Variants in NEGR1 observed in about 807,000 individuals in gnomAD.
NEGR1 encodes the protein IgLON family member 4.
A neutral mutation model predicts 40.9 loss-of-function variants in NEGR1; 10 were observed. The ratio of observed to expected loss-of-function variants is 0.24; its 90% CI spans 0.15 to 0.42. NEGR1 has a LOEUF of 0.42. Ranked by LOEUF, NEGR1 falls within the 10% of genes least tolerant of loss-of-function variation. The pLI is 1.00. For synonymous variants in NEGR1, 185 were observed against 166.8 expected (o/e 1.11, Z -0.84); for missense variants, 352 against 438.9 (o/e 0.80, Z 1.77).
intron 2 of NEGR1, among the ~76,000 whole-genome samples, chr1:71,827,230 T>A (rs2101785327): frequency 6.6e-6 from 1 of 151,682 alleles, no homozygotes; most frequent in African/African-American, 2.4e-5. Context: ...GAGAGAAAAA[T>A]AAAAAGTCTT....
chr1:71,490,948 G>T (rs1366897455), intron 6 of NEGR1, among the ~76,000 whole-genome samples: 1 of 151,932 alleles, frequency 6.6e-6, no homozygotes, highest in Non-Finnish European at 1.5e-5. Flanking sequence ...TTTCCATGAT[G>T]TGCAGTCCAA....
chr1:71,958,691 C>T (rs770600377), intron 1 of NEGR1, among the ~76,000 whole-genome samples: 4 of 152,110 alleles, frequency 2.6e-5, no homozygotes, highest in Non-Finnish European at 5.9e-5. Context: ...CACGGTGGCT[C>T]ACACCTGTAA....
chr1:72,141,423 A>G (rs1650673497), intron 1 of NEGR1, among the ~76,000 whole-genome samples: 1 of 152,088 alleles, frequency 6.6e-6, no homozygotes, highest in Admixed American at 6.6e-5. Context: ...TACATTCCAT[A>G]AATAGAATCA....
intron 1 of NEGR1, among the ~76,000 whole-genome samples, chr1:72,068,258 G>A (rs1001307513): frequency 7.9e-5 from 12 of 152,210 alleles, no homozygotes; most frequent in African/African-American, 2.9e-4. Flanking sequence ...ACTAAGAAGT[G>A]GACACCACAT....
rs1176396460 is a variant in NEGR1 at position 71,611,056 on chromosome 1, G to A, written c.758C>T (p.Pro253Leu). 1.2e-6 allele frequency: 2 copies of A among 1,613,930 alleles called. No individual in the cohort carries two copies. The highest frequency in any genetic ancestry group is 3.3e-5 in the Admixed American group (2 of 60,028). The change falls in exon 5 of 7, where the codon CCA (proline) becomes CTA (leucine). Residue 253 changes from proline to leucine, a missense_variant. By Grantham distance (98) the Pro-to-Leu change is moderately conservative (BLOSUM62 -3). Around this residue, in one of 5 missense-constraint regions of NEGR1, gnomAD observed 184 missense variants for 208.7 expected, o/e 0.88. Transcript: ENST00000357731. Reference sequence around the variant, plus strand: ...CTCTCCTTTGTACCATTCAAAGGCTGGAGGCGGCACACCTGCACCTTCACA... The same window carrying A: ...CTCTCCTTTGTACCATTCAAAGGCTAGAGGCGGCACACCTGCACCTTCACA... ...IRCEGAGVPP[P>L]AFEWYKGEKK...
At chr1:72,140,397 T>C (rs1650628299) in intron 1 of NEGR1, among the ~76,000 whole-genome samples, 1 of 152,056 alleles carries the variant, frequency 6.6e-6, no homozygotes, top group Admixed American at 6.6e-5. Context: ...TGCTGGCATC[T>C]GGTGAGAGCC....
At chr1:71,529,280 T>C (rs560551086) in intron 6 of NEGR1, among the ~76,000 whole-genome samples, 1 of 151,392 alleles carries the variant, frequency 6.6e-6, no homozygotes, top group African/African-American at 2.4e-5. Flanking sequence ...AAGTGAATAC[T>C]GGTAGGACTA....
Position 72,212,854 on chromosome 1 carries a change from T to C in NEGR1, c.176+69465A>G, listed in dbSNP as rs143323786. 4.0e-5 allele frequency among the ~76,000 whole-genome samples: 6 copies of C among 151,750 alleles called. No individual in the cohort carries two copies. The East Asian group carries it at 1.2e-3, about 29-fold the overall frequency. ...TTCAACAGAAATAAATAAGTTGATG[T>C]AAAAATGCAAAAAAAAAGTAGTCTT... On this transcript the variant is annotated intron_variant, in intron 1 of 6. Coordinates refer to ENST00000357731, the MANE Select transcript of NEGR1 (RefSeq NM_173808.3).
At chr1:71,732,027 C>T (rs1186603313) in intron 3 of NEGR1, among the ~76,000 whole-genome samples, 1 of 152,090 alleles carries the variant, frequency 6.6e-6, no homozygotes, top group Non-Finnish European at 1.5e-5. Context: ...ATAAAGAATT[C>T]ACATTTCGGG....
chr1:72,282,443 C>A lies in NEGR1; in HGVS notation c.52G>T (p.Ala18Ser), dbSNP rs906898340. The change falls in exon 1 of 7, where the codon GCG (alanine) becomes TCG (serine). Residue 18 changes from alanine (A) to serine (S), a missense_variant. By Grantham distance (99) the Ala-to-Ser change is moderately conservative (BLOSUM62 1). This residue lies in a region of NEGR1 where 81 missense variants were observed against 85.8 expected (regional missense o/e 0.94). Coordinates refer to ENST00000357731, the MANE Select transcript of NEGR1 (RefSeq NM_173808.3). ...CAGCACAGGCTGAGGAGCACCGCCG[C>A]CAGCCACTGGTTCGAGCAACAAGCA... ...QGACCSNQWLAAVLLSLCCLL... is the reference protein window; with the variant it reads ...QGACCSNQWLSAVLLSLCCLL... The A allele has an allele frequency of 6.2e-7, 1 of 1,613,794 alleles. No homozygotes were observed. Among genetic ancestry groups the A allele is most frequent in the Non-Finnish European group, 8.5e-7 (1 of 1,179,972 alleles).
intron 4 of NEGR1, among the ~76,000 whole-genome samples, chr1:71,661,691 C>T (rs913568305): frequency 6.6e-6 from 1 of 152,130 alleles, no homozygotes; most frequent in African/African-American, 2.4e-5. Flanking sequence ...AATTAGAACA[C>T]AAATTGATCT....
Position 72,080,917 on chromosome 1 carries a change from GGAATGAATGAATGAAC to G in NEGR1, c.177-145622_177-145607del, listed in dbSNP as rs1013131676. On this transcript the variant is annotated intron_variant, in intron 1 of 6. Coordinates refer to ENST00000357731, the MANE Select transcript of NEGR1 (RefSeq NM_173808.3). ...AGGCTCTAGCTCTTGCACTATGACTGGAATGAATGAATGAACGAATGAATGAATGAATGTGCCTCTG... is the reference window on the plus strand; with the variant it reads ...AGGCTCTAGCTCTTGCACTATGACTGGAATGAATGAATGAATGTGCCTCTG... 1.3e-3 allele frequency among the ~76,000 whole-genome samples: 204 copies of G among 152,032 alleles called. 1 individual carries two copies. Among genetic ancestry groups the G allele is most frequent in the Non-Finnish European group, 2.4e-3 (162 of 67,986 alleles).
intron 1 of NEGR1, among the ~76,000 whole-genome samples, chr1:71,989,110 G>A (rs913250882): frequency 4.6e-5 from 7 of 151,928 alleles, no homozygotes; most frequent in African/African-American, 1.7e-4. Flanking sequence ...AAATGCCTCC[G>A]GGTTGGTGCT....
intron 1 of NEGR1, among the ~76,000 whole-genome samples, chr1:71,974,394 C>T (rs1468709205): frequency 1.3e-5 from 2 of 152,082 alleles, no homozygotes; most frequent in African/African-American, 4.8e-5. Context: ...AAGTAAATTT[C>T]TGTTTAGTTT....
intron 2 of NEGR1, among the ~76,000 whole-genome samples, chr1:71,853,033 T>A (rs368188100): frequency 1.1e-4 from 17 of 152,074 alleles, no homozygotes; most frequent in East Asian, 5.8e-4. Context: ...TAGTCATGAA[T>A]CATGGGGAAA....
At chr1:71,855,666 T>C (rs144402159) in intron 2 of NEGR1, among the ~76,000 whole-genome samples, 34 of 152,110 alleles carry the variant, frequency 2.2e-4, no homozygotes, top group African/African-American at 8.0e-4. Context: ...TTAACAGTCT[T>C]AAAATTAATA....
At chr1:71,940,253 T>A (rs868707948) in intron 1 of NEGR1, among the ~76,000 whole-genome samples, 5 of 152,206 alleles carry the variant, frequency 3.3e-5, no homozygotes, top group South Asian at 4.1e-4. Context: ...TGTTCAATAA[T>A]AAATATATCC....
At position 71,698,036 on chromosome 1, in the gene NEGR1, A is replaced by T; in HGVS notation, c.639T>A (p.Asp213Glu). 6.2e-7 allele frequency: 1 copy of T among 1,611,528 alleles called. No homozygotes were observed. Among genetic ancestry groups the T allele is most frequent in the Non-Finnish European group, 8.5e-7 (1 of 1,178,222 alleles). The change falls in exon 4 of 7, where the codon GAT becomes GAA. Residue 213 changes from aspartate (D) to glutamate (E), a missense_variant. Transcript: ENST00000357731. ...TGACAACAACTTTTACTTTCCTCAC[A>T]TCTGGGAATGACACATCATTTTCCG... ...CSAENDVSFP[D>E]VRKVKVVVNF...
At chr1:72,219,079 G>A (rs1396438011) in intron 1 of NEGR1, among the ~76,000 whole-genome samples, 2 of 151,980 alleles carry the variant, frequency 1.3e-5, no homozygotes, top group East Asian at 3.9e-4. Flanking sequence ...CCATCATACT[G>A]AACTGAAGTT....
Sources: gnomAD v4.1 joint callset for allele counts (sites outside exome capture counted in the v4.1 genomes callset) on GRCh38, gnomAD v4.1.1 for gene constraint, gnomAD v4.1.1 regional missense constraint, MANE v1.5 for transcripts, NCBI Gene and HGNC (gene_info 2026-07-23, HGNC 2026-07-21) for gene names.